The following CADM1 variants were observed in gnomAD, a reference collection of about 807,000 sequenced individuals.
The protein encoded by CADM1 is TSLC-1.
In CADM1, 15 loss-of-function variants were observed where a neutral mutation model predicts 53.1. That is an observed-to-expected ratio of 0.28 (90% CI 0.19 to 0.44). The LOEUF (loss-of-function observed/expected upper bound fraction) is 0.44. Among genes scored for constraint, CADM1 ranks in the 20% least tolerant of loss-of-function variants. The pLI is 1.00. For missense variants in CADM1, 434 were observed against 611.3 expected (o/e 0.71, Z 3.06); for synonymous variants, 281 against 243.0 (o/e 1.16, Z -1.45).
At chr11:115,281,082 A>G (rs151191128) in intron 1 of CADM1, among the ~76,000 whole-genome samples, 350 of 152,314 alleles carry the variant, frequency 2.3e-3, no homozygotes, top group African/African-American at 7.8e-3. Context: ...AGATTGGGAA[A>G]ATCCACCCAA....
chr11:115,487,011 G>A (rs1175717902), intron 1 of CADM1, among the ~76,000 whole-genome samples: 1 of 152,192 alleles, frequency 6.6e-6, no homozygotes, highest in Non-Finnish European at 1.5e-5. Context: ...TACGAAGAGA[G>A]GAAAGGTCAG....
chr11:115,192,947 C>A (rs761758322), intron 9 of CADM1, among the ~76,000 whole-genome samples: 2 of 152,154 alleles, frequency 1.3e-5, no homozygotes, highest in Non-Finnish European at 2.9e-5. Flanking sequence ...AGGCTACTGG[C>A]ATTAAATTTG....
Position 115,400,561 on chromosome 11 carries a change from G to GAT in CADM1, c.124+103708_124+103709dup, listed in dbSNP as rs111342034. On this transcript the variant is annotated intron_variant, in intron 1 of 11. Coordinates refer to ENST00000331581, the MANE Select transcript of CADM1 (RefSeq NM_001301043.2). ...CAGACCTACATATATATATGGTGGT[G>GAT]ATATATATATATATATAATATATAT... 4.6e-3 allele frequency among the ~76,000 whole-genome samples: 600 copies of GAT among 129,200 alleles called. 8 individuals carry two copies. Among genetic ancestry groups the GAT allele is most frequent in the African/African-American group, 0.013 (435 of 33,620 alleles). 84.8% of individuals were successfully genotyped at this position (129,200 alleles called of 152,430 possible).
intron 1 of CADM1, among the ~76,000 whole-genome samples, chr11:115,343,133 TCTCA>T (rs941936077): frequency 1.3e-5 from 2 of 152,182 alleles, no homozygotes; most frequent in African/African-American, 4.8e-5. Context: ...ATCTGCATTA[TCTCA>T]CTGAGTTCTC....
Position 115,383,471 on chromosome 11 carries a change from A to T in CADM1, c.124+120800T>A, listed in dbSNP as rs538630988. Among the ~76,000 whole-genome samples, 3 of 152,358 alleles carry T rather than the reference A, an allele frequency of 2.0e-5. No individual in the cohort carries two copies. In the South Asian group the frequency reaches 6.2e-4, roughly 32 times the overall value. Reference sequence around the variant, plus strand: ...GTATTAGCTAATAGGCAAGAAGAATAAAGCTTCAAGACCATATCACAAAAA... The same window carrying T: ...GTATTAGCTAATAGGCAAGAAGAATTAAGCTTCAAGACCATATCACAAAAA... On this transcript the variant is annotated intron_variant, in intron 1 of 11. Transcript: ENST00000331581.
At chr11:115,254,293 C>T (rs1942702927) in intron 1 of CADM1, among the ~76,000 whole-genome samples, 1 of 152,160 alleles carries the variant, frequency 6.6e-6, no homozygotes, top group African/African-American at 2.4e-5. Context: ...TTTGAAGTAA[C>T]TGGTCCATAT....
intron 6 of CADM1, among the ~76,000 whole-genome samples, chr11:115,216,974 G>A (rs116766434): frequency 3.2e-4 from 49 of 152,268 alleles, no homozygotes; most frequent in South Asian, 1.9e-3. Context: ...ATCATACTAC[G>A]GGGACAGCAA....
chr11:115,174,029 T>C lies in CADM1; in HGVS notation c.*2445A>G. On this transcript the variant is annotated 3_prime_UTR_variant, in exon 12 of 12. Coordinates refer to ENST00000331581, the MANE Select transcript of CADM1 (RefSeq NM_001301043.2). Reference sequence around the variant, plus strand: ...AAAAATACATAAACCAATATACAACTAAAATCCATAATTTCCTGTTTTTGC... The same window carrying C: ...AAAAATACATAAACCAATATACAACCAAAATCCATAATTTCCTGTTTTTGC... 2 of 972,228 alleles carry C rather than the reference T, an allele frequency of 2.1e-6. No individual in the cohort carries two copies. The highest frequency in any genetic ancestry group is 2.4e-6 in the Non-Finnish European group (2 of 817,906). 60.2% of individuals were successfully genotyped at this position (972,228 alleles called of 1,614,324 possible). A position where few individuals can be genotyped will look rare whatever the true frequency, so the allele number is the denominator to read the frequency against.
chr11:115,214,600 T>C lies in CADM1; in HGVS notation c.994+8A>G. ...TCTAGTAGAAGAGCATTTTATCTTC[T>C]CACGTACCGTATACATACAGCATAT... is the stretch of plus-strand genomic sequence containing the variant. On this transcript the variant is annotated splice_region_variant and intron_variant, in intron 7 of 11. Transcript: ENST00000331581. The C allele has an allele frequency of 1.2e-6, 2 of 1,612,980 alleles. No individual in the cohort carries two copies. Among genetic ancestry groups the C allele is most frequent in the Non-Finnish European group, 1.7e-6 (2 of 1,178,986 alleles).
At chr11:115,188,877 ACAG>A (rs1388181234) in intron 10 of CADM1, among the ~76,000 whole-genome samples, 3 of 147,552 alleles carry the variant, frequency 2.0e-5, no homozygotes, top group Non-Finnish European at 4.5e-5. Context: ...AAACACTATG[ACAG>A]CTGCTCAATT....
At chr11:115,209,700 C>A (rs1460306907) in intron 7 of CADM1, 43 bp from the exon 8 acceptor site, 3 of 1,607,826 alleles carry the variant, frequency 1.9e-6, no homozygotes, top group East Asian at 4.5e-5. Context: ...CAATGCTGAA[C>A]ACAACAATGA....
chr11:115,389,722 A>G (rs956204965), intron 1 of CADM1, among the ~76,000 whole-genome samples: 9 of 152,028 alleles, frequency 5.9e-5, no homozygotes, highest in African/African-American at 2.2e-4. Context: ...CCAAGAAACT[A>G]TCAATATTGG....
At chr11:115,396,142 A>G (rs1946989189) in intron 1 of CADM1, among the ~76,000 whole-genome samples, 1 of 152,238 alleles carries the variant, frequency 6.6e-6, no homozygotes, top group Admixed American at 6.5e-5. Context: ...TATGAGCACT[A>G]CAAAATTTGA....
intron 1 of CADM1, among the ~76,000 whole-genome samples, chr11:115,369,026 T>TAAAAAAAAATA (rs1946244503): frequency 2.2e-5 from 1 of 44,748 alleles, no homozygotes; most frequent in Non-Finnish European, 4.1e-5. Flanking sequence ...AAAAAAAATC[T>TAAAAAAAAATA]AAAAAAAAAA....
intron 1 of CADM1, among the ~76,000 whole-genome samples, chr11:115,405,767 A>G (rs926977717): frequency 2.0e-5 from 3 of 152,212 alleles, no homozygotes; most frequent in Non-Finnish European, 4.4e-5. Flanking sequence ...TATTTTATCT[A>G]AAACATGCAA....
chr11:115,278,074 T>C (rs867392862), intron 1 of CADM1, among the ~76,000 whole-genome samples: 2 of 152,044 alleles, frequency 1.3e-5, no homozygotes, highest in East Asian at 3.9e-4. Context: ...TACAATAAAT[T>C]CCCTCACCAC....
chr11:115,477,708 C>T (rs910917064), intron 1 of CADM1, among the ~76,000 whole-genome samples: 1 of 152,234 alleles, frequency 6.6e-6, no homozygotes, highest in Non-Finnish European at 1.5e-5. Context: ...CTTCCTAATC[C>T]TATTTGCATT....
rs568959979 is a variant in CADM1 at position 115,372,834 on chromosome 11, G to C, written c.124+131437C>G. ...AGAAACAAGAACAAGGAAAACACTG[G>C]AACTCTCAGGTGAGCATGGATGAAA... On this transcript the variant is annotated intron_variant, in intron 1 of 11. Transcript: ENST00000331581. 2.6e-5 allele frequency among the ~76,000 whole-genome samples: 4 copies of C among 152,272 alleles called. No homozygotes were observed. In the East Asian group the frequency reaches 7.7e-4, roughly 29 times the overall value.
intron 1 of CADM1, among the ~76,000 whole-genome samples, chr11:115,293,789 T>C (rs1943973515): frequency 6.6e-6 from 1 of 152,196 alleles, no homozygotes; most frequent in Non-Finnish European, 1.5e-5. Context: ...TCAACAACTG[T>C]AGTTTAAGTC....
Sources: allele counts gnomAD v4.1 joint callset (sites outside exome capture counted in the v4.1 genomes callset), GRCh38; gene constraint gnomAD v4.1.1; transcripts MANE v1.5; gene names NCBI Gene and HGNC (gene_info 2026-07-23, HGNC 2026-07-21).